Variants in OCRL observed in about 807,000 individuals in gnomAD.
OCRL encodes inositol polyphosphate 5-phosphatase OCRL.
A neutral mutation model predicts 78.9 loss-of-function variants in OCRL; 8 were observed. The ratio of observed to expected loss-of-function variants is 0.10; its 90% CI spans 0.06 to 0.18. The LOEUF is 0.18. Ranked by LOEUF, OCRL falls within the 10% of genes least tolerant of loss-of-function variation. The pLI is 1.00. For synonymous variants in OCRL, 240 were observed against 235.4 expected (o/e 1.02, Z -0.18); for missense variants, 454 against 696.7 (o/e 0.65, Z 3.92).
In OCRL at chrX:129,591,094, C is replaced by A. The variant is rs1449563320; in HGVS notation, c.*824C>A. 8.8e-6 allele frequency: 1 copy of A among 113,703 alleles called. No individual in the cohort carries two copies. The highest frequency in any genetic ancestry group is 2.8e-4 in the East Asian group (1 of 3,576). 9.4% of individuals were successfully genotyped at this position (113,703 alleles called of 1,213,427 possible). On this transcript the variant is annotated 3_prime_UTR_variant, in exon 24 of 24. Coordinates refer to ENST00000371113, the MANE Select transcript of OCRL (RefSeq NM_000276.4). ...TTATTATTCAAATTTTACACAAGGA[C>A]TAATCCTGGGTGTCTCTGAGACCCA...
At chrX:129,551,964 A>G (rs1337179502) in intron 4 of OCRL, among the ~76,000 whole-genome samples, 2 of 111,841 alleles carry the variant, frequency 1.8e-5, no homozygotes, top group Non-Finnish European at 3.8e-5. Context: ...TTTTCTTTGA[A>G]GTGATAGAAG....
At position 129,588,965 on chromosome X, in the gene OCRL, G is replaced by A. The variant is rs1936552620; in HGVS notation, c.2421G>A (p.Leu807=). The change falls in exon 22 of 24, where the codon CTG becomes CTA. Residue 807 remains leucine (L), a synonymous_variant. Transcript: ENST00000371113. The part of the protein sequence containing the change: ...ALPEPVICYE[L]YQRCLDSAYD... ...CAGAGCCAGTCATCTGTTACGAGCT[G>A]TATCAGCGATGTCTTGACTCTGCTT... The A allele has an allele frequency of 2.5e-6, 3 of 1,211,469 alleles. No individual in the cohort carries two copies. The South Asian group carries it at 5.3e-5, about 21-fold the overall frequency.
chrX:129,569,510 C>A, intron 15 of OCRL, 111 bp downstream of exon 15: 1 of 864,318 alleles, frequency 1.2e-6, no homozygotes. Flanking sequence ...TGTTCCATAA[C>A]CAAATAACCA....
At chrX:129,587,166 C>A in intron 20 of OCRL, 48 bp downstream of exon 20, 1 of 813,085 alleles carries the variant, frequency 1.2e-6, no homozygotes, top group Non-Finnish European at 1.9e-6. Flanking sequence ...TGTGTAACTA[C>A]TATAGGAAAT....
In OCRL at chrX:129,562,408, A is replaced by G. The variant is rs1414517190; in HGVS notation, c.964A>G (p.Met322Val). ...GGTTCAACTGGTGCGCCTTGTTGGG[A>G]TGATGCTTCTTATATTTGCCAGAAA... ...KKVQLVRLVG[M>V]MLLIFARKDQ... The change falls in exon 11 of 24, where the codon ATG becomes GTG. Residue 322 changes from methionine (M) to valine (V), a missense_variant. Met to Val is a conservative substitution (Grantham distance 21). Transcript: ENST00000371113. 8.3e-7 allele frequency: 1 copy of G among 1,209,022 alleles called. No individual in the cohort carries two copies. Among genetic ancestry groups the G allele is most frequent in the Non-Finnish European group, 1.1e-6 (1 of 894,227 alleles).
intron 18 of OCRL, among the ~76,000 whole-genome samples, chrX:129,583,424 A>G (rs746676369): frequency 5.0e-4 from 56 of 112,091 alleles, no homozygotes; most frequent in African/African-American, 1.7e-3. Flanking sequence ...CTGGGATCCA[A>G]TCCTGATTCA....
intron 12 of OCRL, among the ~76,000 whole-genome samples, chrX:129,563,927 G>C (rs1390045826): frequency 1.9e-5 from 2 of 108,073 alleles, no homozygotes; most frequent in Non-Finnish European, 3.9e-5. Flanking sequence ...TACCATCAGA[G>C]TGAACAGGCA....
At chrX:129,544,898 AT>A in intron 2 of OCRL, 59 bp from the exon 3 acceptor site, 2 of 679,911 alleles carry the variant, frequency 2.9e-6, no homozygotes, top group Non-Finnish European at 4.8e-6. Context: ...ACAGTGAAGT[AT>A]TTTTTTGCTA....
intron 4 of OCRL, among the ~76,000 whole-genome samples, chrX:129,553,900 C>G (rs769463640): frequency 9.0e-6 from 1 of 110,835 alleles, no homozygotes; most frequent in South Asian, 3.8e-4. Flanking sequence ...TGATAGCCAT[C>G]TGGTTGTGGG....
chrX:129,587,115 C>G lies in OCRL; in HGVS notation c.2253C>G (p.His751Gln). 8.8e-7 allele frequency: 1 copy of G among 1,140,042 alleles called. No homozygotes were observed. 94.0% of individuals were successfully genotyped at this position (1,140,042 alleles called of 1,213,427 possible). The change falls in exon 20 of 24, where the codon CAC (histidine) becomes CAG (glutamine). Residue 751 changes from histidine (H) to glutamine (Q), a missense_variant. Physicochemically the swap from His to Gln is conservative, Grantham distance 24 (BLOSUM62 0). Coordinates refer to ENST00000371113, the MANE Select transcript of OCRL (RefSeq NM_000276.4). ...ATCACCTATTCAAATACGCCTGTCA[C>G]CAGGTAAGTGAGAGTAGACCTTCCC... The part of the protein sequence containing the change: ...LVDHLFKYAC[H>Q]QEDLFQTPGM...
At chrX:129,543,827 C>A (rs909459773) in intron 2 of OCRL, among the ~76,000 whole-genome samples, 1 of 112,255 alleles carries the variant, frequency 8.9e-6, no homozygotes, top group African/African-American at 3.2e-5. Context: ...AAAAATTCAC[C>A]GCTGCTTATA....
intron 15 of OCRL, among the ~76,000 whole-genome samples, chrX:129,571,302 T>G (rs1353811964): frequency 9.0e-6 from 1 of 110,890 alleles, no homozygotes; most frequent in East Asian, 2.8e-4. Flanking sequence ...CTGGCTTTTT[T>G]GTTTACATTT....
At chrX:129,557,542 G>T in intron 5 of OCRL, 107 bp downstream of exon 5, 1 of 703,235 alleles carries the variant, frequency 1.4e-6, no homozygotes, top group Non-Finnish European at 2.2e-6. Context: ...CACCCTTTAA[G>T]CCCTGATAGC....
chrX:129,578,144 A>T (rs1252456185), intron 18 of OCRL, among the ~76,000 whole-genome samples: 1 of 111,952 alleles, frequency 8.9e-6, no homozygotes, highest in African/African-American at 3.2e-5. Context: ...ATCTCTTAAC[A>T]AAAAGGGCAC....
intron 4 of OCRL, among the ~76,000 whole-genome samples, chrX:129,555,000 TAAA>T (rs78547580): frequency 2.1e-5 from 2 of 95,569 alleles, no homozygotes; most frequent in Non-Finnish European, 2.0e-5. Context: ...AATAAATAAA[TAAA>T]AATAAGAGGG....
At chrX:129,563,522 C>T (rs945666982) in intron 12 of OCRL, among the ~76,000 whole-genome samples, 16 of 111,446 alleles carry the variant, frequency 1.4e-4, no homozygotes, top group Non-Finnish European at 3.0e-4. Context: ...CATATACAAA[C>T]ACACACATAG....
At chrX:129,575,777 C>A in intron 16 of OCRL, 120 bp from the exon 17 acceptor site, 1 of 812,749 alleles carries the variant, frequency 1.2e-6, no homozygotes, top group Non-Finnish European at 1.8e-6. Context: ...TGGTGAATGT[C>A]TATGGCATTT....
chrX:129,565,696 T>C (rs1310995283), intron 12 of OCRL, 76 bp from the exon 13 acceptor site: 2 of 786,907 alleles, frequency 2.5e-6, no homozygotes, highest in East Asian at 3.2e-5. Flanking sequence ...AATCTACCCA[T>C]TTTTCTTCTC....
intron 13 of OCRL, 104 bp from the exon 14 acceptor site, chrX:129,567,150 T>C: frequency 1.8e-6 from 1 of 562,891 alleles, no homozygotes; most frequent in East Asian, 3.5e-5. Flanking sequence ...GTAAAGGTTG[T>C]GGAACTAGAT....
Sources: allele counts gnomAD v4.1 joint callset (sites outside exome capture counted in the v4.1 genomes callset), GRCh38; gene constraint gnomAD v4.1.1; transcripts MANE v1.5; gene names NCBI Gene and HGNC (gene_info 2026-07-23, HGNC 2026-07-21).